IMMP2L: variants seen among roughly 807,000 people sequenced by gnomAD.
IMMP2L encodes the protein mitochondrial inner membrane protease subunit 2.
In IMMP2L, 18 loss-of-function variants were observed where a neutral mutation model predicts 19.3. The observed-to-expected ratio is 0.93, with a 90% CI of 0.64 to 1.38. The LOEUF is 1.38. Among genes scored for constraint, IMMP2L ranks in the 40% most tolerant of loss-of-function variants. The probability of loss-of-function intolerance (pLI) is 0.00; values close to 1 mark genes in which losing one functional copy is unlikely to be tolerated. For missense variants in IMMP2L, 233 were observed against 218.2 expected (o/e 1.07, Z -0.43); for synonymous variants, 76 against 73.0 (o/e 1.04, Z -0.21).
intron 5 of IMMP2L, among the ~76,000 whole-genome samples, chr7:110,813,968 T>C (rs1802244825): frequency 6.6e-6 from 1 of 152,008 alleles, no homozygotes. Context: ...CAGAAACGTA[T>C]TTTCCATACT....
chr7:111,179,102 T>C (rs1182033029), intron 3 of IMMP2L, among the ~76,000 whole-genome samples: 1 of 152,028 alleles, frequency 6.6e-6, no homozygotes, highest in Non-Finnish European at 1.5e-5. Context: ...AAAATAAATG[T>C]TGTGTTAGCA....
At chr7:111,211,457 G>C (rs1317610798) in intron 3 of IMMP2L, among the ~76,000 whole-genome samples, 1 of 152,186 alleles carries the variant, frequency 6.6e-6, no homozygotes, top group African/African-American at 2.4e-5. Context: ...AAATAGGCTG[G>C]AATCCGAATT....
chr7:111,006,258 A>T (rs983594300), intron 3 of IMMP2L, among the ~76,000 whole-genome samples: 1 of 152,190 alleles, frequency 6.6e-6, no homozygotes, highest in African/African-American at 2.4e-5. Flanking sequence ...TTCTGAAGAC[A>T]ACTCTTGACT....
intron 3 of IMMP2L, among the ~76,000 whole-genome samples, chr7:111,016,413 AATAT>A (rs1825549464): frequency 7.1e-6 from 1 of 140,164 alleles, no homozygotes; most frequent in African/African-American, 2.6e-5. Context: ...TATTTTATAT[AATAT>A]ATATTTTACA....
intron 3 of IMMP2L, among the ~76,000 whole-genome samples, chr7:111,041,146 A>T (rs1791855811): frequency 6.6e-6 from 1 of 152,146 alleles, no homozygotes; most frequent in African/African-American, 2.4e-5. Flanking sequence ...CCACCTAAGG[A>T]AATTTAAATT....
chr7:110,775,299 C>T (rs1799311954), intron 5 of IMMP2L, among the ~76,000 whole-genome samples: 1 of 139,504 alleles, frequency 7.2e-6, no homozygotes, highest in South Asian at 2.2e-4. Flanking sequence ...TCTAATACAG[C>T]TTGTATGTGT....
intron 5 of IMMP2L, among the ~76,000 whole-genome samples, chr7:110,670,080 C>T (rs1791786921): frequency 6.6e-6 from 1 of 151,992 alleles, no homozygotes; most frequent in Non-Finnish European, 1.5e-5. Context: ...GATATGGAAA[C>T]TTTAAAGGGA....
intron 5 of IMMP2L, among the ~76,000 whole-genome samples, chr7:110,706,420 T>C (rs940370269): frequency 1.3e-5 from 2 of 152,192 alleles, no homozygotes; most frequent in Admixed American, 6.5e-5. Flanking sequence ...CTAAGTTCTT[T>C]GAGAAATATC....
At chr7:110,697,992 T>C (rs535718829) in intron 5 of IMMP2L, among the ~76,000 whole-genome samples, 5 of 152,316 alleles carry the variant, frequency 3.3e-5, no homozygotes, top group African/African-American at 1.2e-4. Context: ...TAAATATACA[T>C]GTCACTAAAT....
chr7:110,920,798 T>C (rs1454161067), intron 4 of IMMP2L, among the ~76,000 whole-genome samples: 1 of 152,126 alleles, frequency 6.6e-6, no homozygotes, highest in African/African-American at 2.4e-5. Context: ...TTGAGATAAT[T>C]TTAGATTTAC....
chr7:111,014,538 T>A (rs986985748), intron 3 of IMMP2L, among the ~76,000 whole-genome samples: 1 of 152,002 alleles, frequency 6.6e-6, no homozygotes, highest in Non-Finnish European at 1.5e-5. Context: ...TTCTTGGATA[T>A]GAAATGAAAA....
intron 3 of IMMP2L, among the ~76,000 whole-genome samples, chr7:110,977,244 C>A (rs150198809): frequency 2.0e-5 from 3 of 152,006 alleles, no homozygotes; most frequent in Admixed American, 2.0e-4. Context: ...GGCATGCATG[C>A]TTTTTAGGGT....
chr7:110,670,278 C>T (rs1041742242), intron 5 of IMMP2L, among the ~76,000 whole-genome samples: 2 of 152,128 alleles, frequency 1.3e-5, no homozygotes, highest in African/African-American at 2.4e-5. Flanking sequence ...TATACTGAAC[C>T]CTTGATCTTG....
chr7:110,896,833 G>T (rs1439844395), intron 4 of IMMP2L, among the ~76,000 whole-genome samples: 4 of 151,650 alleles, frequency 2.6e-5, no homozygotes, highest in South Asian at 2.1e-4. Context: ...TAGAGACAAG[G>T]TCTCGCTTCG....
At chr7:110,974,050 T>TA (rs1215424509) in intron 3 of IMMP2L, among the ~76,000 whole-genome samples, 1 of 152,030 alleles carries the variant, frequency 6.6e-6, no homozygotes, top group Non-Finnish European at 1.5e-5. Context: ...ATAAGAACCA[T>TA]TAATAGTCCT....
At chr7:110,889,245 C>T (rs113566138) in intron 4 of IMMP2L, among the ~76,000 whole-genome samples, 14 of 152,202 alleles carry the variant, frequency 9.2e-5, no homozygotes, top group African/African-American at 2.4e-4. Context: ...ATTTATTGTG[C>T]GCTTTATTTC....
intron 1 of IMMP2L, among the ~76,000 whole-genome samples, chr7:111,528,567 T>A (rs889519133): frequency 5.9e-5 from 9 of 152,192 alleles, no homozygotes; most frequent in Non-Finnish European, 1.3e-4. Context: ...CTCAACCACA[T>A]AACAACCCAC....
At chr7:110,742,551 A>G (rs1429466043) in intron 5 of IMMP2L, among the ~76,000 whole-genome samples, 1 of 152,050 alleles carries the variant, frequency 6.6e-6, no homozygotes, top group Non-Finnish European at 1.5e-5. Context: ...AGCGGATCAC[A>G]AGGTCTGGAG....
intron 3 of IMMP2L, among the ~76,000 whole-genome samples, chr7:110,990,432 T>G (rs1050424846): frequency 6.6e-6 from 1 of 152,198 alleles, no homozygotes; most frequent in Non-Finnish European, 1.5e-5. Context: ...CCTGCTGTAC[T>G]CAGAGATAGC....
Sources: allele counts gnomAD v4.1 joint callset (sites outside exome capture counted in the v4.1 genomes callset), GRCh38; gene constraint gnomAD v4.1.1; transcripts MANE v1.5; gene names NCBI Gene and HGNC (gene_info 2026-07-23, HGNC 2026-07-21).